Variants in PTPRG observed in about 807,000 individuals in gnomAD.
The protein encoded by PTPRG is protein tyrosine phosphatase receptor type G, also known as receptor-type tyrosine-protein phosphatase gamma.
PTPRG carries 102 observed loss-of-function variants against 165.3 expected under a neutral mutation model. That is an observed-to-expected ratio of 0.62 (90% CI 0.53 to 0.73). The LOEUF is 0.73. Among genes scored for constraint, PTPRG ranks in the 30% least tolerant of loss-of-function variants. The pLI is 0.00. For synonymous variants in PTPRG, 675 were observed against 669.5 expected, an observed-to-expected ratio of 1.01 and a Z score of -0.13; for missense variants, 1,866 against 1,861.4, an observed-to-expected ratio of 1.00 and a Z score of -0.05.
At chr3:61,815,701 A>T (rs145431599) in intron 2 of PTPRG, among the ~76,000 whole-genome samples, 2 of 152,324 alleles carry the variant, frequency 1.3e-5, no homozygotes, top group African/African-American at 4.8e-5. Flanking sequence ...ATCATTACTA[A>T]GCAAGTTGAA....
intron 2 of PTPRG, among the ~76,000 whole-genome samples, chr3:61,867,786 C>T (rs1043292403): frequency 7.2e-5 from 11 of 152,276 alleles, no homozygotes; most frequent in African/African-American, 2.6e-4. Context: ...TAGGACGTCC[C>T]TTACGGAACT....
chr3:62,006,936 G>T (rs1234232823), intron 4 of PTPRG, among the ~76,000 whole-genome samples: 1 of 152,172 alleles, frequency 6.6e-6, no homozygotes, highest in Non-Finnish European at 1.5e-5. Flanking sequence ...TATCTAAGTA[G>T]CATCATTTAA....
At chr3:61,847,816 C>T (rs1171097625) in intron 2 of PTPRG, among the ~76,000 whole-genome samples, 4 of 152,186 alleles carry the variant, frequency 2.6e-5, no homozygotes, top group African/African-American at 9.6e-5. Flanking sequence ...ACTTCCTGTT[C>T]TGGAAGAGAT....
At chr3:61,921,325 G>A (rs2039074419) in intron 2 of PTPRG, among the ~76,000 whole-genome samples, 2 of 152,116 alleles carry the variant, frequency 1.3e-5, no homozygotes. Flanking sequence ...AGAACATATC[G>A]AAGTAAGATG....
chr3:62,008,789 C>T (rs558104764), intron 4 of PTPRG, among the ~76,000 whole-genome samples: 2 of 152,286 alleles, frequency 1.3e-5, no homozygotes, highest in South Asian at 4.1e-4. Flanking sequence ...ACGTGCAGTT[C>T]ACAATAGGGT....
At chr3:61,728,551 C>A (rs1380562852) in intron 1 of PTPRG, among the ~76,000 whole-genome samples, 1 of 151,856 alleles carries the variant, frequency 6.6e-6, no homozygotes, top group African/African-American at 2.4e-5. Flanking sequence ...CCACTGCCCT[C>A]CAGCCTGGAA....
At chr3:62,215,136 C>A (rs1397079783) in intron 12 of PTPRG, among the ~76,000 whole-genome samples, 3 of 152,072 alleles carry the variant, frequency 2.0e-5, no homozygotes, top group African/African-American at 7.2e-5. Context: ...AGGCTCTGCT[C>A]CTGAAGAGCC....
chr3:62,137,761 G>A (rs925899494), intron 6 of PTPRG, among the ~76,000 whole-genome samples: 12 of 152,090 alleles, frequency 7.9e-5, no homozygotes, highest in Non-Finnish European at 1.3e-4. Context: ...TCCACTCTTC[G>A]TCGCATGTCA....
chr3:61,617,386 G>T (rs767476540), intron 1 of PTPRG, among the ~76,000 whole-genome samples: 3 of 152,134 alleles, frequency 2.0e-5, no homozygotes, highest in African/African-American at 7.2e-5. Flanking sequence ...GGACTTGTTC[G>T]GCATGTGGGT....
intron 6 of PTPRG, among the ~76,000 whole-genome samples, chr3:62,135,148 C>T: frequency 6.6e-6 from 1 of 151,732 alleles, no homozygotes. Context: ...ATGGTACATG[C>T]CTGCAGTCCC....
chr3:62,232,495 A>T (rs997574901), intron 14 of PTPRG, among the ~76,000 whole-genome samples: 2 of 152,230 alleles, frequency 1.3e-5, no homozygotes, highest in Admixed American at 1.3e-4. Flanking sequence ...GACATCACTT[A>T]AATGCTTAAC....
chr3:62,063,137 T>G (rs1700875895), intron 4 of PTPRG, among the ~76,000 whole-genome samples: 1 of 152,244 alleles, frequency 6.6e-6, no homozygotes, highest in African/African-American at 2.4e-5. Flanking sequence ...ACCCCTGATC[T>G]TAGCACCCGA....
At chr3:61,597,644 G>A (rs1360937514) in intron 1 of PTPRG, among the ~76,000 whole-genome samples, 1 of 151,662 alleles carries the variant, frequency 6.6e-6, no homozygotes, top group Non-Finnish European at 1.5e-5. Flanking sequence ...AAATTGGTTT[G>A]GATTTCCTGT....
Position 61,667,568 on chromosome 3 carries a change from A to G in PTPRG, c.86-81310A>G, listed in dbSNP as rs528509195. ...AGAACAGTTCTATGAGGGAGGCTCT[A>G]TTAGGCCTGACTCATGCTCGGCATT... On this transcript the variant is annotated intron_variant, in intron 1 of 29. Transcript: ENST00000474889. 2.6e-5 allele frequency among the ~76,000 whole-genome samples: 4 copies of G among 152,274 alleles called. No homozygotes were observed. The South Asian group carries it at 6.2e-4, about 24-fold the overall frequency.
intron 6 of PTPRG, among the ~76,000 whole-genome samples, chr3:62,146,817 C>A: frequency 6.6e-6 from 1 of 152,108 alleles, no homozygotes. Flanking sequence ...AGCTGTGTAC[C>A]AACAGAACTT....
At chr3:61,722,569 C>A (rs1390198567) in intron 1 of PTPRG, among the ~76,000 whole-genome samples, 1 of 152,160 alleles carries the variant, frequency 6.6e-6, no homozygotes, top group Non-Finnish European at 1.5e-5. Flanking sequence ...TTTTGGAACT[C>A]TGTTTATGCA....
At chr3:61,853,932 A>G (rs183652453) in intron 2 of PTPRG, among the ~76,000 whole-genome samples, 9 of 152,284 alleles carry the variant, frequency 5.9e-5, no homozygotes, top group Admixed American at 2.6e-4. Context: ...ATATGTGGCC[A>G]TGGCCATCTA....
chr3:61,782,315 C>T (rs373975597), intron 2 of PTPRG, among the ~76,000 whole-genome samples: 1 of 152,282 alleles, frequency 6.6e-6, no homozygotes, highest in South Asian at 2.1e-4. Flanking sequence ...TGTTTATTTT[C>T]CAAGGTATCA....
chr3:61,815,079 C>G (rs1393343601), intron 2 of PTPRG, among the ~76,000 whole-genome samples: 1 of 151,748 alleles, frequency 6.6e-6, no homozygotes, highest in East Asian at 1.9e-4. Flanking sequence ...CTGCTGCTTT[C>G]TCATGTTTAG....
Sources: gnomAD v4.1 joint callset for allele counts (sites outside exome capture counted in the v4.1 genomes callset) on GRCh38, gnomAD v4.1.1 for gene constraint, MANE v1.5 for transcripts, NCBI Gene and HGNC (gene_info 2026-07-23, HGNC 2026-07-21) for gene names.